Variants in KIRREL3 observed in about 807,000 individuals in gnomAD.
KIRREL3 encodes the protein kirre like nephrin family adhesion molecule 3.
In KIRREL3, 36 loss-of-function variants were observed where a neutral mutation model predicts 89.7. That is an observed-to-expected ratio of 0.40 (90% CI 0.31 to 0.53). The LOEUF is 0.53. Ranked by LOEUF, KIRREL3 falls within the 20% of genes least tolerant of loss-of-function variation. The pLI is 0.49. For synonymous variants in KIRREL3, 445 were observed against 441.4 expected (o/e 1.01, Z -0.10); for missense variants, 864 against 1,056.6 (o/e 0.82, Z 2.53).
In KIRREL3 at chr11:126,977,959, C is replaced by T. The variant is rs1418405953; in HGVS notation, c.55+22496G>A. Among the ~76,000 whole-genome samples, 1 of 152,106 alleles carries T rather than the reference C, an allele frequency of 6.6e-6. No homozygotes were observed. The highest frequency in any genetic ancestry group is 1.5e-5 in the Non-Finnish European group (1 of 68,032). Reference sequence around the variant, plus strand: ...TGTCTCCTTTTTCTTGGTGTCCTCACTCAGTTTCTGGGCACGACATGTCCC... The same window carrying T: ...TGTCTCCTTTTTCTTGGTGTCCTCATTCAGTTTCTGGGCACGACATGTCCC... On this transcript the variant is annotated intron_variant, in intron 1 of 16. Coordinates refer to ENST00000525144, the MANE Select transcript of KIRREL3 (RefSeq NM_032531.4). This position sits in a 1 kb window ranked among gnomAD's most constrained non-coding sequence, Gnocchi z 4.7.
At chr11:126,998,247 T>G (rs74452359) in intron 1 of KIRREL3, among the ~76,000 whole-genome samples, 4 of 152,270 alleles carry the variant, frequency 2.6e-5, no homozygotes, top group Non-Finnish European at 5.9e-5. Context: ...TTTCCACAGA[T>G]CAAGGCAAAA....
chr11:126,468,026 G>T (rs1480898021), intron 5 of KIRREL3, among the ~76,000 whole-genome samples: 1 of 152,192 alleles, frequency 6.6e-6, no homozygotes, highest in Non-Finnish European at 1.5e-5. Context: ...CAGTGGTCCT[G>T]GTGGTAGGGG....
intron 1 of KIRREL3, among the ~76,000 whole-genome samples, chr11:126,784,895 T>C (rs1592124600): frequency 6.6e-6 from 1 of 152,234 alleles, no homozygotes; most frequent in East Asian, 1.9e-4. Context: ...CACCTATGAC[T>C]GTCAAGGAGA....
rs1430676177 is a variant in KIRREL3, at chr11:126,432,523, G to C, written c.1589-997C>G. Reference sequence around the variant, plus strand: ...CAAGTGATTTGGCCAAGGACACACAGGAGCTGCCCAGCCAGGGTCAATCCA... The same window carrying C: ...CAAGTGATTTGGCCAAGGACACACACGAGCTGCCCAGCCAGGGTCAATCCA... On this transcript the variant is annotated intron_variant, in intron 13 of 16. Coordinates refer to ENST00000525144, the MANE Select transcript of KIRREL3 (RefSeq NM_032531.4). The surrounding 1 kb of genome is among the most constrained non-coding windows in gnomAD (Gnocchi z 6.2). Among the ~76,000 whole-genome samples the C allele has an allele frequency of 6.6e-6, 1 of 152,100 alleles. No individual in the cohort carries two copies. The highest frequency in any genetic ancestry group is 1.5e-5 in the Non-Finnish European group (1 of 68,000).
At chr11:127,002,084 A>G (rs1243924975), upstream of KIRREL3, among the ~76,000 whole-genome samples, 2 of 152,188 alleles carry the variant, frequency 1.3e-5, no homozygotes, top group African/African-American at 4.8e-5. Context: ...ACTACAAGGC[A>G]CATTCCAACT....
At chr11:126,842,397 G>A (rs1943993875) in intron 1 of KIRREL3, among the ~76,000 whole-genome samples, 1 of 152,178 alleles carries the variant, frequency 6.6e-6, no homozygotes, top group Non-Finnish European at 1.5e-5. Context: ...GTTCTGTAAT[G>A]TAAATCCTCT....
intron 1 of KIRREL3, among the ~76,000 whole-genome samples, chr11:126,637,094 C>T (rs188126759): frequency 6.6e-6 from 1 of 152,152 alleles, no homozygotes; most frequent in Non-Finnish European, 1.5e-5. Flanking sequence ...CAGGATGACT[C>T]AGCCCCTCCC....
Position 126,739,780 on chromosome 11 carries a change from G to A in KIRREL3, c.56-176868C>T, listed in dbSNP as rs1431030892. On this transcript the variant is annotated intron_variant, in intron 1 of 16. Coordinates refer to ENST00000525144, the MANE Select transcript of KIRREL3 (RefSeq NM_032531.4). The surrounding 1 kb of genome is among the most constrained non-coding windows in gnomAD (Gnocchi z 5.5). ...GCCAACACTGCAAATCAGGCAGCAT[G>A]TATCAGAGTTTAAAAACCTCAGGGA... 6.6e-6 allele frequency among the ~76,000 whole-genome samples: 1 copy of A among 152,202 alleles called. No individual in the cohort carries two copies. Among genetic ancestry groups the A allele is most frequent in the East Asian group, 1.9e-4 (1 of 5,188 alleles).
chr11:126,979,396 T>A (rs1463785277), intron 1 of KIRREL3, among the ~76,000 whole-genome samples: 1 of 152,212 alleles, frequency 6.6e-6, no homozygotes, highest in African/African-American at 2.4e-5. Context: ...GCTATTAACA[T>A]ATAACAGCTA....
rs1949934307 is a variant in KIRREL3, at chr11:126,768,964, C to T, written c.56-206052G>A. ...TAACATGATCTGCTTTGTGTCTCAA[C>T]ATCTTTTTACATGATCACGACTTGC... On this transcript the variant is annotated intron_variant, in intron 1 of 16. Transcript: ENST00000525144. The surrounding 1 kb of genome is among the most constrained non-coding windows in gnomAD (Gnocchi z 4.5). 6.6e-6 allele frequency among the ~76,000 whole-genome samples: 1 copy of T among 152,232 alleles called. No homozygotes were observed. Among genetic ancestry groups the T allele is most frequent in the South Asian group, 2.1e-4 (1 of 4,826 alleles).
intron 16 of KIRREL3, 72 bp from the exon 17 acceptor site, chr11:126,425,095 G>A: frequency 7.3e-7 from 1 of 1,365,630 alleles, no homozygotes; most frequent in Middle Eastern, 1.9e-4. Flanking sequence ...TTTCCAGGCT[G>A]AGCCCGTCCC....
chr11:126,456,601 C>A (rs908296110), intron 6 of KIRREL3, 147 bp from the exon 7 acceptor site: 2 of 609,598 alleles, frequency 3.3e-6, no homozygotes, highest in African/African-American at 1.9e-5. Flanking sequence ...AAGCTGGGGG[C>A]TCCATGGGAG....
rs1356892654 is a variant in KIRREL3 at position 126,904,354 on chromosome 11, T to C, written c.55+96101A>G. On this transcript the variant is annotated intron_variant, in intron 1 of 16. Coordinates refer to ENST00000525144, the MANE Select transcript of KIRREL3 (RefSeq NM_032531.4). This position sits in a 1 kb window ranked among gnomAD's most constrained non-coding sequence, Gnocchi z 4.4. ...CTCATGATTATTTGCTATTTTGCCA[T>C]TGCTAGTTAAATTGGGTCTTGATGT... Among the ~76,000 whole-genome samples, 1 of 152,224 alleles carries C rather than the reference T, an allele frequency of 6.6e-6. No individual in the cohort carries two copies. The highest frequency in any genetic ancestry group is 2.4e-5 in the African/African-American group (1 of 41,466).
chr11:126,596,442 G>C (rs761149461), intron 1 of KIRREL3, among the ~76,000 whole-genome samples: 7 of 152,248 alleles, frequency 4.6e-5, no homozygotes, highest in Non-Finnish European at 8.8e-5. Flanking sequence ...AGTTAGTGAG[G>C]GAAGTGCCAG....
intron 7 of KIRREL3, among the ~76,000 whole-genome samples, chr11:126,450,673 C>T (rs1307752388): frequency 8.3e-6 from 1 of 120,716 alleles, no homozygotes; most frequent in Non-Finnish European, 1.7e-5. Context: ...GTGTGTGTGT[C>T]CATGTGCATG....
At position 126,684,925 on chromosome 11, in the gene KIRREL3, C is replaced by T. The variant is rs960290677; in HGVS notation, c.56-122013G>A. ...CCTCAGCAGGACAGGCTTCTTTGTC[C>T]TTGTCTCCCCCCTCCCTTTTGTCCT... On this transcript the variant is annotated intron_variant, in intron 1 of 16. Coordinates refer to ENST00000525144, the MANE Select transcript of KIRREL3 (RefSeq NM_032531.4). The surrounding 1 kb of genome is among the most constrained non-coding windows in gnomAD (Gnocchi z 4.2). 6.6e-6 allele frequency among the ~76,000 whole-genome samples: 1 copy of T among 152,126 alleles called. No individual in the cohort carries two copies. Among genetic ancestry groups the T allele is most frequent in the Non-Finnish European group, 1.5e-5 (1 of 68,014 alleles).
intron 1 of KIRREL3, among the ~76,000 whole-genome samples, chr11:126,922,205 T>C (rs1051895127): frequency 4.0e-5 from 6 of 151,782 alleles, no homozygotes; most frequent in Non-Finnish European, 4.4e-5. Flanking sequence ...GTTCCTCCAG[T>C]GAGCCCTGGC....
chr11:126,787,487 G>A (rs925368582), intron 1 of KIRREL3, among the ~76,000 whole-genome samples: 41 of 152,176 alleles, frequency 2.7e-4, no homozygotes, highest in African/African-American at 9.9e-4. Flanking sequence ...TGACAAAGCT[G>A]AAGAAGGGAG....
At chr11:126,888,701 G>A (rs190641491) in intron 1 of KIRREL3, among the ~76,000 whole-genome samples, 23 of 152,258 alleles carry the variant, frequency 1.5e-4, no homozygotes, top group African/African-American at 5.5e-4. Context: ...CGCCGCTCGA[G>A]GTTTACTAAG....
Sources: gnomAD v4.1 joint callset for allele counts (sites outside exome capture counted in the v4.1 genomes callset) on GRCh38, gnomAD v4.1.1 for gene constraint, Gnocchi (gnomAD v3.1) non-coding constraint, MANE v1.5 for transcripts, NCBI Gene and HGNC (gene_info 2026-07-23, HGNC 2026-07-21) for gene names.